Variants in NOL4L observed in about 807,000 individuals in gnomAD.
The protein encoded by NOL4L is nucleolar protein 4 like, also known as nucleolar protein 4-like.
NOL4L carries 7 observed loss-of-function variants against 64.5 expected under a neutral mutation model. That is an observed-to-expected ratio of 0.11 (90% CI 0.06 to 0.20). NOL4L has a LOEUF of 0.20. Ranked by LOEUF, NOL4L falls within the 10% of genes least tolerant of loss-of-function variation. The probability of loss-of-function intolerance (pLI) is 1.00; values close to 1 mark genes in which losing one functional copy is unlikely to be tolerated. For missense variants in NOL4L, 680 were observed against 967.1 expected, an observed-to-expected ratio of 0.70 and a Z score of 3.94; for synonymous variants, 413 against 401.0, an observed-to-expected ratio of 1.03 and a Z score of -0.36.
At chr20:32,488,718 CTTTT>C (rs1032124046) in intron 4 of NOL4L, among the ~76,000 whole-genome samples, 1 of 151,934 alleles carries the variant, frequency 6.6e-6, no homozygotes, top group African/African-American at 2.4e-5. Flanking sequence ...ACTTGTATTT[CTTTT>C]TCTTTCTTTC....
intron 3 of NOL4L, among the ~76,000 whole-genome samples, chr20:32,511,797 G>A (rs2017419102): frequency 6.6e-6 from 1 of 152,158 alleles, no homozygotes; most frequent in African/African-American, 2.4e-5. Flanking sequence ...CAGGCCCCAG[G>A]AGTTCGAGAC....
At chr20:32,535,917 G>A in intron 1 of NOL4L, 1 of 985,752 alleles carries the variant, frequency 1.0e-6, no homozygotes, top group South Asian at 4.7e-5. Context: ...CCAGGGTCTG[G>A]GCCTGGCTGC....
chr20:32,470,708 C>A (rs1480767877), intron 5 of NOL4L, among the ~76,000 whole-genome samples: 1 of 152,260 alleles, frequency 6.6e-6, no homozygotes, highest in Non-Finnish European at 1.5e-5. Context: ...GGACCTGGCC[C>A]GTGCCTGGGC....
chr20:32,570,721 T>C (rs1256125847), intron 1 of NOL4L, among the ~76,000 whole-genome samples: 1 of 152,134 alleles, frequency 6.6e-6, no homozygotes, highest in African/African-American at 2.4e-5. Flanking sequence ...TTTTCCTGAA[T>C]AGACAAAAAC....
intron 4 of NOL4L, among the ~76,000 whole-genome samples, chr20:32,497,883 A>G (rs2016760579): frequency 6.6e-6 from 1 of 152,190 alleles, no homozygotes; most frequent in African/African-American, 2.4e-5. Flanking sequence ...TGACCTGTGC[A>G]AGCTTTTCCC....
rs555969764 is a variant in NOL4L, at chr20:32,468,900, C to CAA, written c.841+5699_841+5700dup. On this transcript the variant is annotated intron_variant, in intron 5 of 10. Transcript: ENST00000621426. Reference sequence around the variant, plus strand: ...TGGGCAACAGAGCGGGACTCCATCTCAAAAAAAAAAAAAAAAAAAAGAAAG... The same window carrying CAA: ...TGGGCAACAGAGCGGGACTCCATCTCAAAAAAAAAAAAAAAAAAAAAAGAAAG... Among the ~76,000 whole-genome samples the CAA allele has an allele frequency of 2.4e-3, 226 of 95,258 alleles. 2 individuals are homozygous for CAA. The highest frequency in any genetic ancestry group is 7.3e-3 in the African/African-American group (198 of 27,150). 62.5% of individuals were successfully genotyped at this position (95,258 alleles called of 152,430 possible). A position where few individuals can be genotyped will look rare whatever the true frequency, so the allele number is the denominator to read the frequency against.
At chr20:32,495,865 G>C (rs1309538441) in intron 4 of NOL4L, among the ~76,000 whole-genome samples, 1 of 152,152 alleles carries the variant, frequency 6.6e-6, no homozygotes, top group Non-Finnish European at 1.5e-5. Context: ...GCTGAGGTGG[G>C]AGAATTGCTT....
chr20:32,471,441 A>G (rs532002484), intron 5 of NOL4L, among the ~76,000 whole-genome samples: 1 of 152,148 alleles, frequency 6.6e-6, no homozygotes, highest in Non-Finnish European at 1.5e-5. Context: ...CACCCGCACA[A>G]CTCACTCTTG....
In NOL4L at chr20:32,474,641, C is replaced by G. The variant is rs761142835; in HGVS notation, c.801G>C (p.Glu267Asp). The G allele has an allele frequency of 2.3e-5, 37 of 1,613,580 alleles. No homozygotes were observed. The highest frequency in any genetic ancestry group is 3.1e-5 in the Non-Finnish European group (37 of 1,179,938). Residue 267 changes from glutamate to aspartate, a missense_variant, in exon 5 of 11, where the codon GAG (glutamate) becomes GAC (aspartate). Glu to Asp is a conservative substitution (Grantham distance 45, BLOSUM62 2). This residue lies in a region of NOL4L where 254 missense variants were observed against 238.7 expected (regional missense o/e 1.06). Coordinates refer to ENST00000621426, the MANE Select transcript of NOL4L (RefSeq NM_001256798.2). ...LASSLSPSQD[E>D]RMRSPQNLHS... is the part of the protein sequence containing the mutation. ...GGAGGTTCTGCGGGCTCCGCATCCT[C>G]TCGTCCTGGCTGGGGCTCAGGCTGG...
At chr20:32,495,585 G>T (rs2016656421) in intron 4 of NOL4L, among the ~76,000 whole-genome samples, 1 of 152,150 alleles carries the variant, frequency 6.6e-6, no homozygotes, top group Non-Finnish European at 1.5e-5. Flanking sequence ...GAAGAAAGGG[G>T]TTCCTCCATC....
chr20:32,452,147 C>T, intron 10 of NOL4L, 89 bp downstream of exon 10: 2 of 1,219,578 alleles, frequency 1.6e-6, no homozygotes, highest in Non-Finnish European at 2.2e-6. Flanking sequence ...GCCTCTGCTT[C>T]CCTCTCCCCA....
chr20:32,449,485 G>T (rs79389398), intron 10 of NOL4L, among the ~76,000 whole-genome samples: 3,610 of 152,360 alleles, frequency 0.024, 143 homozygotes, highest in African/African-American at 0.083. Flanking sequence ...AAGGAAGCTG[G>T]AGTCTAAGAT....
Position 32,584,948 on chromosome 20 carries a change from G to A in NOL4L, c.-58C>T, listed in dbSNP as rs1980792814. ...GCCGGCCGCCGGGCCGCCCGGTGCC[G>A]GGACTGGGCTGGGCTGGGCTGGACC... On this transcript the variant is annotated 5_prime_UTR_variant, in exon 1 of 11. Coordinates refer to ENST00000621426, the MANE Select transcript of NOL4L (RefSeq NM_001256798.2). 9.9e-7 allele frequency: 1 copy of A among 1,005,256 alleles called. No homozygotes were observed. Among genetic ancestry groups the A allele is most frequent in the Non-Finnish European group, 1.2e-6 (1 of 827,976 alleles). The allele number at this position is 1,005,256 out of a possible 1,614,324, so 62.3% of individuals were successfully genotyped here. A position where few individuals can be genotyped will look rare whatever the true frequency, so the allele number is the denominator to read the frequency against.
At chr20:32,560,130 G>C (rs1364061724) in intron 1 of NOL4L, among the ~76,000 whole-genome samples, 1 of 152,268 alleles carries the variant, frequency 6.6e-6, no homozygotes, top group Non-Finnish European at 1.5e-5. Context: ...AGGGAGCACT[G>C]GTGAGGCCAC....
At chr20:32,545,733 GA>G (rs1364719624) in intron 1 of NOL4L, among the ~76,000 whole-genome samples, 1 of 152,188 alleles carries the variant, frequency 6.6e-6, no homozygotes, top group Non-Finnish European at 1.5e-5. Flanking sequence ...ACTATATCCA[GA>G]ATGCAGCTGC....
intron 10 of NOL4L, among the ~76,000 whole-genome samples, chr20:32,449,294 T>C (rs573689080): frequency 6.6e-6 from 1 of 152,338 alleles, no homozygotes; most frequent in Non-Finnish European, 1.5e-5. Flanking sequence ...CCAGCTACCC[T>C]GAAAGTTCTG....
At position 32,499,479 on chromosome 20, in the gene NOL4L, C is replaced by T. The variant is rs148461106; in HGVS notation, c.699+11868G>A. On this transcript the variant is annotated intron_variant, in intron 4 of 10. Transcript: ENST00000621426. ...TTTGGCTGGGTGTGGTGGCTCATGCCTGTAATCCCAGCACTTTGGGAGGCT... is the reference window on the plus strand; with the variant it reads ...TTTGGCTGGGTGTGGTGGCTCATGCTTGTAATCCCAGCACTTTGGGAGGCT... Among the ~76,000 whole-genome samples, 1,455 of 152,178 alleles carry T rather than the reference C, an allele frequency of 9.6e-3. 28 individuals carry two copies. The highest frequency in any genetic ancestry group is 0.034 in the African/African-American group (1,400 of 41,514).
intron 1 of NOL4L, among the ~76,000 whole-genome samples, chr20:32,580,358 CTCAACCAAAGG>C (rs2145627300): frequency 6.6e-6 from 1 of 152,318 alleles, no homozygotes; most frequent in African/African-American, 2.4e-5. Flanking sequence ...TATTGAGGGA[CTCAACCAAAGG>C]TCACAGCACA....
intron 5 of NOL4L, among the ~76,000 whole-genome samples, chr20:32,469,252 T>C (rs997016118): frequency 1.3e-5 from 2 of 152,186 alleles, no homozygotes; most frequent in African/African-American, 2.4e-5. Context: ...TACTGCCTCA[T>C]TGAAAAGAAA....
Sources: allele counts gnomAD v4.1 joint callset (sites outside exome capture counted in the v4.1 genomes callset), GRCh38; gene constraint gnomAD v4.1.1; regional missense constraint gnomAD v4.1.1; transcripts MANE v1.5; gene names NCBI Gene and HGNC (gene_info 2026-07-23, HGNC 2026-07-21).